Variants in CERT1 observed in about 807,000 individuals in gnomAD.
CERT1 encodes the protein ceramide transporter 1.
CERT1 carries 31 observed loss-of-function variants against 87.9 expected under a neutral mutation model. The observed-to-expected ratio is 0.35, with a 90% confidence interval of 0.27 to 0.48. The LOEUF (loss-of-function observed/expected upper bound fraction) is 0.48, where lower values mean the gene tolerates loss of function less well. CERT1 is among the 20% of genes least tolerant of loss of function. CERT1 has a pLI of 0.99. For synonymous variants in CERT1, 289 were observed against 250.9 expected, an observed-to-expected ratio of 1.15 and a Z score of -1.44; for missense variants, 487 against 758.0, an observed-to-expected ratio of 0.64 and a Z score of 4.20.
intron 11 of CERT1, 39 bp downstream of exon 11, chr5:75,399,271 C>G: frequency 6.9e-7 from 1 of 1,446,974 alleles, no homozygotes; most frequent in East Asian, 2.3e-5. Flanking sequence ...AAATATAGCA[C>G]AGAAAGACTC....
chr5:75,383,969 T>C (rs1761685867), intron 14 of CERT1, among the ~76,000 whole-genome samples: 1 of 152,152 alleles, frequency 6.6e-6, no homozygotes, highest in Admixed American at 6.6e-5. Context: ...CTAACTTAAA[T>C]TATGTTTCTG....
Position 75,478,293 on chromosome 5 carries a change from G to A in CERT1, c.232-19112C>T, listed in dbSNP as rs1476141559. On this transcript the variant is annotated intron_variant, in intron 2 of 16. Coordinates refer to ENST00000643780, the MANE Select transcript of CERT1 (RefSeq NM_001379029.1). ...CCTGCTGCTGCATTCCAGCCTGGGTGACAGAGCAAGACTCTGCCTCTAAAA... is the reference window on the plus strand; with the variant it reads ...CCTGCTGCTGCATTCCAGCCTGGGTAACAGAGCAAGACTCTGCCTCTAAAA... Among the ~76,000 whole-genome samples the A allele has an allele frequency of 2.0e-5, 3 of 151,284 alleles. No homozygotes were observed. The East Asian group carries it at 5.8e-4, about 29-fold the overall frequency.
Position 75,511,505 on chromosome 5 carries a change from C to T in CERT1, c.-298G>A, listed in dbSNP as rs1768001113. The T allele has an allele frequency of 2.0e-6, 3 of 1,479,526 alleles. No individual in the cohort carries two copies. Among genetic ancestry groups the T allele is most frequent in the South Asian group, 2.6e-5 (2 of 75,524 alleles). The allele number at this position is 1,479,526 out of a possible 1,614,324, so 91.6% of individuals were successfully genotyped here. On this transcript the variant is annotated 5_prime_UTR_variant, in exon 1 of 17. Coordinates refer to ENST00000643780, the MANE Select transcript of CERT1 (RefSeq NM_001379029.1). ...CGGCGCTGCCACCCGAACTTAGCCC[C>T]CTCGATGCCAATTTCAAATAGGGAA...
At chr5:75,451,844 C>T (rs1764780716) in intron 3 of CERT1, among the ~76,000 whole-genome samples, 1 of 152,052 alleles carries the variant, frequency 6.6e-6, no homozygotes, top group South Asian at 2.1e-4. Flanking sequence ...AGAAAAAACA[C>T]AGCAAATCAA....
intron 2 of CERT1, among the ~76,000 whole-genome samples, chr5:75,475,705 T>C (rs560965191): frequency 1.3e-5 from 2 of 152,182 alleles, no homozygotes; most frequent in South Asian, 2.1e-4. Flanking sequence ...CTTTTTTTTT[T>C]CTTTTTCCAA....
chr5:75,422,342 G>A (rs769178840), intron 5 of CERT1, among the ~76,000 whole-genome samples: 2 of 152,140 alleles, frequency 1.3e-5, no homozygotes, highest in African/African-American at 4.8e-5. Context: ...CAGGCTGGGC[G>A]TGGTGGCTTA....
At chr5:75,490,494 T>C (rs548921763) in intron 2 of CERT1, among the ~76,000 whole-genome samples, 94 of 148,448 alleles carry the variant, frequency 6.3e-4, no homozygotes, top group Non-Finnish European at 8.7e-4. Flanking sequence ...CTGTACGAAA[T>C]TTTTATTTAT....
intron 7 of CERT1, among the ~76,000 whole-genome samples, chr5:75,414,603 T>C (rs944200011): frequency 2.0e-5 from 3 of 152,170 alleles, no homozygotes; most frequent in Non-Finnish European, 4.4e-5. Context: ...TTCCTGGACA[T>C]GACTGGCTAA....
At chr5:75,368,670 G>A (rs1055974128) in intron 17 of CERT1, 1 of 152,200 alleles carries the variant, frequency 6.6e-6, no homozygotes, top group African/African-American at 2.4e-5. Context: ...TGGAGGACAG[G>A]AAGAAAGTTT....
intron 3 of CERT1, among the ~76,000 whole-genome samples, chr5:75,436,085 T>G (rs1580768152): frequency 6.6e-6 from 1 of 152,146 alleles, no homozygotes; most frequent in African/African-American, 2.4e-5. Context: ...CAGGCTGGAG[T>G]GCAGCGGTGC....
chr5:75,452,655 A>T (rs1025541771), intron 3 of CERT1, among the ~76,000 whole-genome samples: 2 of 152,176 alleles, frequency 1.3e-5, no homozygotes, highest in African/African-American at 4.8e-5. Context: ...ATTATACAGA[A>T]AATGCTCACA....
At chr5:75,431,220 C>T (rs1255843066) in intron 3 of CERT1, among the ~76,000 whole-genome samples, 1 of 152,160 alleles carries the variant, frequency 6.6e-6, no homozygotes, top group Non-Finnish European at 1.5e-5. Context: ...TCCCATCCTC[C>T]ACCCTCAAGT....
At chr5:75,492,920 T>C (rs1181917140) in intron 2 of CERT1, among the ~76,000 whole-genome samples, 1 of 152,206 alleles carries the variant, frequency 6.6e-6, no homozygotes, top group Non-Finnish European at 1.5e-5. Context: ...AAAGAAAGAA[T>C]GCTGGACTCC....
chr5:75,387,391 T>C (rs1761835012), intron 12 of CERT1, among the ~76,000 whole-genome samples: 1 of 152,180 alleles, frequency 6.6e-6, no homozygotes, highest in Non-Finnish European at 1.5e-5. Context: ...TGCCTGACTC[T>C]TTTAAGTAGT....
At chr5:75,387,574 T>C (rs760824767) in intron 12 of CERT1, among the ~76,000 whole-genome samples, 1 of 151,852 alleles carries the variant, frequency 6.6e-6, no homozygotes, top group Non-Finnish European at 1.5e-5. Flanking sequence ...AAACCCCATT[T>C]CTACTAAAAA....
At chr5:75,454,848 T>C (rs1000194111) in intron 3 of CERT1, among the ~76,000 whole-genome samples, 1 of 152,204 alleles carries the variant, frequency 6.6e-6, no homozygotes, top group African/African-American at 2.4e-5. Flanking sequence ...TTTTGAAGTG[T>C]CATCTTCTCT....
At chr5:75,407,302 A>G (rs940779611) in intron 8 of CERT1, among the ~76,000 whole-genome samples, 1 of 152,022 alleles carries the variant, frequency 6.6e-6, no homozygotes, top group African/African-American at 2.4e-5. Flanking sequence ...GACCATTGGA[A>G]AATAAAAAAT....
intron 2 of CERT1, among the ~76,000 whole-genome samples, chr5:75,474,262 T>C (rs1765855019): frequency 6.6e-6 from 1 of 152,116 alleles, no homozygotes; most frequent in African/African-American, 2.4e-5. Flanking sequence ...ATCTTTAGTG[T>C]TGTGAGCCCT....
intron 2 of CERT1, among the ~76,000 whole-genome samples, chr5:75,504,408 CTG>C (rs750516059): frequency 4.2e-4 from 64 of 152,210 alleles, no homozygotes; most frequent in African/African-American, 9.1e-4. Context: ...AATATTTCTT[CTG>C]TGTTTCTCTA....
Sources: gnomAD v4.1 joint callset for allele counts (sites outside exome capture counted in the v4.1 genomes callset) on GRCh38, gnomAD v4.1.1 for gene constraint, MANE v1.5 for transcripts, NCBI Gene and HGNC (gene_info 2026-07-23, HGNC 2026-07-21) for gene names.